Variants in RFC4 observed in about 807,000 individuals in gnomAD.
RFC4 encodes A1 37 kDa subunit.
Under a neutral mutation model 47.6 loss-of-function variants are expected in RFC4, and 38 were observed. That is an observed-to-expected ratio of 0.80 (90% CI 0.62 to 1.05). The LOEUF (loss-of-function observed/expected upper bound fraction) is 1.05. RFC4 is among the 50% of genes least tolerant of loss of function. The pLI is 0.00. For missense variants in RFC4, 489 were observed against 434.0 expected, an observed-to-expected ratio of 1.13 and a Z score of -1.13; for synonymous variants, 164 against 150.0, an observed-to-expected ratio of 1.09 and a Z score of -0.68.
intron 2 of RFC4, among the ~76,000 whole-genome samples, chr3:186,802,155 C>T (rs889643944): frequency 6.6e-6 from 1 of 151,842 alleles, no homozygotes; most frequent in Non-Finnish European, 1.5e-5. Context: ...GAGTTTGAGA[C>T]CAGCCTGGTC....
chr3:186,805,512 T>G (rs266728), intron 1 of RFC4: 83,382 of 151,980 alleles, frequency 0.55, 23,190 homozygotes, highest in African/African-American at 0.62. Flanking sequence ...GTGAGCCATC[T>G]CGCCTGGCCA....
intron 1 of RFC4, chr3:186,804,945 G>A (rs1722444888): frequency 5.1e-6 from 2 of 392,162 alleles, no homozygotes; most frequent in Non-Finnish European, 9.1e-6. Flanking sequence ...CAGAAAAGTG[G>A]TCAAAGTCCC....
intron 4 of RFC4, among the ~76,000 whole-genome samples, chr3:186,797,030 T>C (rs1722256096): frequency 6.6e-6 from 1 of 152,132 alleles, no homozygotes; most frequent in African/African-American, 2.4e-5. Context: ...GGAATCACAC[T>C]ACATCAACCA....
At chr3:186,804,129 G>T (rs908325322) in intron 2 of RFC4, among the ~76,000 whole-genome samples, 1 of 152,082 alleles carries the variant, frequency 6.6e-6, no homozygotes, top group East Asian at 1.9e-4. Context: ...GTTGCAGTGA[G>T]TCGAGACCAT....
chr3:186,794,988 T>C, intron 4 of RFC4: 1 of 537,824 alleles, frequency 1.9e-6, no homozygotes, highest in Non-Finnish European at 3.2e-6. Flanking sequence ...AGACATTACA[T>C]AACATATACA....
intron 4 of RFC4, 32 bp downstream of exon 4, chr3:186,797,502 TA>T (rs745531580): frequency 2.1e-6 from 3 of 1,461,606 alleles, no homozygotes; most frequent in African/African-American, 2.8e-5. Flanking sequence ...GTCAAATCTT[TA>T]AAAAAAGAAA....
chr3:186,790,440 T>C (rs368369508), intron 8 of RFC4, 34 bp from the exon 9 acceptor site: 31 of 1,477,494 alleles, frequency 2.1e-5, no homozygotes, highest in African/African-American at 6.9e-5. Flanking sequence ...TAAAGATGTT[T>C]CTAGGTGAGA....
chr3:186,795,551 T>C (rs1237327603), intron 4 of RFC4, among the ~76,000 whole-genome samples: 4 of 152,086 alleles, frequency 2.6e-5, no homozygotes. Flanking sequence ...TCCCAGCACT[T>C]TGGGAGGCCG....
intron 2 of RFC4, among the ~76,000 whole-genome samples, chr3:186,801,630 G>A (rs575724991): frequency 7.5e-5 from 11 of 147,308 alleles, no homozygotes; most frequent in South Asian, 2.1e-4. Flanking sequence ...AGAACGGCAC[G>A]AACCTGGGAG....
chr3:186,801,369 CCAAA>C (rs1722348393), intron 2 of RFC4, 174 bp from the exon 3 acceptor site: 1 of 598,810 alleles, frequency 1.7e-6, no homozygotes, highest in Non-Finnish European at 3.0e-6. Flanking sequence ...TTTACCGTAA[CCAAA>C]CACATTCTGA....
intron 2 of RFC4, among the ~76,000 whole-genome samples, chr3:186,803,080 C>G (rs999937374): frequency 1.3e-5 from 2 of 152,174 alleles, no homozygotes; most frequent in Non-Finnish European, 2.9e-5. Flanking sequence ...CAGTGACTCA[C>G]GCCTGTAATC....
chr3:186,804,617 T>C lies in RFC4; in HGVS notation c.97A>G (p.Lys33Glu), dbSNP rs11544064. ...AASAGSSGEN[K>E]KAKPVPWVEK... ...ACCCAGGGAACGGGTTTGGCTTTCT[T>C]GTTCTCTCCGCTACTTCCCGCACTG... Residue 33 changes from lysine (K) to glutamate (E), a missense_variant, in exon 2 of 11, where the codon AAG (lysine) becomes GAG (glutamate). Lys to Glu is a moderately conservative substitution (Grantham distance 56). Around this residue, in one of 2 missense-constraint regions of RFC4, gnomAD observed 206 missense variants for 257.8 expected, o/e 0.80. Coordinates refer to ENST00000296273, the MANE Select transcript of RFC4 (RefSeq NM_002916.5). 1.9e-6 allele frequency: 3 copies of C among 1,614,186 alleles called. No individual in the cohort carries two copies. The highest frequency in any genetic ancestry group is 2.5e-6 in the Non-Finnish European group (3 of 1,180,030).
chr3:186,795,838 G>C (rs888291756), intron 4 of RFC4, among the ~76,000 whole-genome samples: 34 of 152,178 alleles, frequency 2.2e-4, no homozygotes, highest in African/African-American at 7.9e-4. Context: ...CCACAGGGTA[G>C]TTTGCTATAA....
At chr3:186,803,981 C>T (rs111357945) in intron 2 of RFC4, among the ~76,000 whole-genome samples, 2 of 151,816 alleles carry the variant, frequency 1.3e-5, no homozygotes, top group African/African-American at 4.8e-5. Context: ...CAGGAGTTTG[C>T]GATCGACCTG....
chr3:186,799,587 C>T (rs188398870), intron 3 of RFC4, among the ~76,000 whole-genome samples: 29 of 152,198 alleles, frequency 1.9e-4, no homozygotes, highest in Admixed American at 1.6e-3. Flanking sequence ...GTGGTGCATG[C>T]CTGTAGTCCC....
At position 186,794,719 on chromosome 3, in the gene RFC4, G is replaced by C; in HGVS notation, c.349C>G (p.Gln117Glu). The C allele has an allele frequency of 6.2e-7, 1 of 1,613,880 alleles. No homozygotes were observed. The highest frequency in any genetic ancestry group is 1.1e-5 in the South Asian group (1 of 91,070). Residue 117 changes from glutamine to glutamate, a missense_variant, in exon 5 of 11, where the codon CAA becomes GAA. By Grantham distance (29) the Gln-to-Glu change is conservative (BLOSUM62 2). Transcript: ENST00000296273. ...ELNASDERGI[Q>E]VVREKVKNFA... is the part of the protein sequence containing the mutation. ...TTTTTCACTTTCTCTCGAACTACTT[G>C]TATTCCACGTTCATCAGATGCATTT... is the stretch of plus-strand genomic sequence containing the variant.
rs139117202 is a variant in RFC4 at position 186,803,008 on chromosome 3, A to T, written c.131+1575T>A. Among the ~76,000 whole-genome samples the T allele has an allele frequency of 4.6e-3, 700 of 152,224 alleles. 6 individuals carry two copies. Among genetic ancestry groups the T allele is most frequent in the African/African-American group, 0.016 (661 of 41,524 alleles). On this transcript the variant is annotated intron_variant, in intron 2 of 10. Coordinates refer to ENST00000296273, the MANE Select transcript of RFC4 (RefSeq NM_002916.5). ...AATCCAGACCCTCCTCCACATAATT[A>T]AAAAAATCTAGATTTTCATGAGGTT... is the stretch of plus-strand genomic sequence containing the variant.
At chr3:186,791,362 G>A (rs568695165) in intron 8 of RFC4, 60 of 264,342 alleles carry the variant, frequency 2.3e-4, no homozygotes, top group African/African-American at 1.2e-3. Context: ...GGTGGCAGGT[G>A]CCTGTAATCC....
chr3:186,798,904 T>C (rs1722297332), intron 3 of RFC4, among the ~76,000 whole-genome samples: 1 of 152,230 alleles, frequency 6.6e-6, no homozygotes, highest in Non-Finnish European at 1.5e-5. Flanking sequence ...CACATCTGTA[T>C]TCTAGCATCT....
Sources: gnomAD v4.1 joint callset for allele counts (sites outside exome capture counted in the v4.1 genomes callset) on GRCh38, gnomAD v4.1.1 for gene constraint, gnomAD v4.1.1 regional missense constraint, MANE v1.5 for transcripts, NCBI Gene and HGNC (gene_info 2026-07-23, HGNC 2026-07-21) for gene names.